RFX3: variants seen among roughly 807,000 people sequenced by gnomAD.
The protein encoded by RFX3 is regulatory factor X3.
A neutral mutation model predicts 98.6 loss-of-function variants in RFX3; 14 were observed. The ratio of observed to expected loss-of-function variants is 0.14; its 90% CI spans 0.09 to 0.22. RFX3 has a LOEUF of 0.22. RFX3 is among the 10% of genes least tolerant of loss of function. RFX3 has a pLI of 1.00. For missense variants in RFX3, 639 were observed against 926.9 expected (o/e 0.69, Z 4.03); for synonymous variants, 383 against 328.4 (o/e 1.17, Z -1.80).
At chr9:3,453,260 C>T (rs1316524053) in intron 1 of RFX3, among the ~76,000 whole-genome samples, 1 of 151,990 alleles carries the variant, frequency 6.6e-6, no homozygotes, top group African/African-American at 2.4e-5. Flanking sequence ...AAACACCCCC[C>T]AAGTGTAACT....
intron 1 of RFX3, among the ~76,000 whole-genome samples, chr9:3,466,052 T>G (rs1381292079): frequency 6.6e-6 from 1 of 152,210 alleles, no homozygotes; most frequent in African/African-American, 2.4e-5. Flanking sequence ...CAAACAGCAT[T>G]CATTAAGTAC....
At chr9:3,396,783 G>C (rs573032161) in intron 1 of RFX3, among the ~76,000 whole-genome samples, 38 of 152,274 alleles carry the variant, frequency 2.5e-4, no homozygotes, top group African/African-American at 9.1e-4. Context: ...GCATTTCTCT[G>C]ATCGCCAGTG....
At chr9:3,494,852 A>C (rs1850990107) in intron 1 of RFX3, among the ~76,000 whole-genome samples, 1 of 152,030 alleles carries the variant, frequency 6.6e-6, no homozygotes, top group Non-Finnish European at 1.5e-5. Context: ...AGCCTCACAC[A>C]GGGAATTGAA....
At chr9:3,342,354 G>C (rs545371511) in intron 3 of RFX3, among the ~76,000 whole-genome samples, 2 of 152,116 alleles carry the variant, frequency 1.3e-5, no homozygotes, top group Non-Finnish European at 2.9e-5. Context: ...GAACTCTTAA[G>C]GGACTAATGT....
chr9:3,227,394 C>T (rs1032344631), intron 16 of RFX3, among the ~76,000 whole-genome samples: 33 of 152,322 alleles, frequency 2.2e-4, no homozygotes, highest in African/African-American at 7.9e-4. Context: ...AAAGCAAGCC[C>T]ATTCTCCAGG....
At chr9:3,291,905 T>C (rs182640042) in intron 6 of RFX3, among the ~76,000 whole-genome samples, 1 of 151,322 alleles carries the variant, frequency 6.6e-6, no homozygotes, top group East Asian at 1.9e-4. Context: ...AAAAATACAA[T>C]AATTAGCTGG....
chr9:3,262,602 T>C (rs1823059282), intron 13 of RFX3, among the ~76,000 whole-genome samples: 1 of 152,210 alleles, frequency 6.6e-6, no homozygotes, highest in South Asian at 2.1e-4. Context: ...AGTAACGCAA[T>C]TGCCCAAGAT....
At chr9:3,515,072 CAG>C (rs1410212826) in intron 1 of RFX3, among the ~76,000 whole-genome samples, 1 of 152,130 alleles carries the variant, frequency 6.6e-6, no homozygotes, top group Non-Finnish European at 1.5e-5. Context: ...TAAATAGTAT[CAG>C]GGGAAAACCT....
At chr9:3,237,147 T>C (rs994827362) in intron 15 of RFX3, among the ~76,000 whole-genome samples, 1 of 152,270 alleles carries the variant, frequency 6.6e-6, no homozygotes, top group African/African-American at 2.4e-5. Flanking sequence ...GCTATGACTG[T>C]CTAGTTAGAA....
At chr9:3,336,620 T>G (rs1833211268) in intron 3 of RFX3, among the ~76,000 whole-genome samples, 1 of 152,060 alleles carries the variant, frequency 6.6e-6, no homozygotes, top group Non-Finnish European at 1.5e-5. Flanking sequence ...ATCCTGATAT[T>G]TAGAAGGAAA....
At chr9:3,440,443 C>G (rs1845517768) in intron 1 of RFX3, among the ~76,000 whole-genome samples, 1 of 152,036 alleles carries the variant, frequency 6.6e-6, no homozygotes, top group African/African-American at 2.4e-5. Flanking sequence ...CATCTACTTA[C>G]TAGTTATTAA....
intron 1 of RFX3, among the ~76,000 whole-genome samples, chr9:3,481,721 C>T (rs528657756): frequency 1.3e-5 from 2 of 151,792 alleles, no homozygotes; most frequent in South Asian, 2.1e-4. Flanking sequence ...AAAGAAACTG[C>T]CCAGCAGAAA....
intron 1 of RFX3, among the ~76,000 whole-genome samples, chr9:3,500,793 C>A (rs766505986): frequency 6.6e-6 from 1 of 152,110 alleles, no homozygotes; most frequent in Non-Finnish European, 1.5e-5. Context: ...TCACAAGGCA[C>A]GTGTTAGGCA....
At chr9:3,286,187 T>G (rs1287276110) in intron 7 of RFX3, among the ~76,000 whole-genome samples, 2 of 151,800 alleles carry the variant, frequency 1.3e-5, no homozygotes, top group Non-Finnish European at 2.9e-5. Flanking sequence ...TATGCATGAG[T>G]GCAGAAATCA....
intron 15 of RFX3, among the ~76,000 whole-genome samples, chr9:3,239,217 G>T (rs568259374): frequency 8.7e-4 from 133 of 152,308 alleles, no homozygotes; most frequent in African/African-American, 3.1e-3. Context: ...GCGAGGAAAA[G>T]GTTGCTGACT....
At position 3,223,130 on chromosome 9, in the gene RFX3, T is replaced by C. The variant is rs1373655118; in HGVS notation, c.*1912A>G. On this transcript the variant is annotated 3_prime_UTR_variant, in exon 17 of 17. Coordinates refer to ENST00000617270, the MANE Select transcript of RFX3 (RefSeq NM_001282116.2). ...ATCTTGGGTTTAATATAGGCCTCAT[T>C]TGATAATCTGTCAATCATTTTGTGC... 1 of 152,106 alleles carries C rather than the reference T, an allele frequency of 6.6e-6. No homozygotes were observed. Among genetic ancestry groups the C allele is most frequent in the Non-Finnish European group, 1.5e-5 (1 of 68,014 alleles). The allele number at this position is 152,106 out of a possible 1,614,324, so 9.4% of individuals were successfully genotyped here. A position where few individuals can be genotyped will look rare whatever the true frequency, so the allele number is the denominator to read the frequency against.
At chr9:3,262,863 G>T in intron 13 of RFX3, 72 bp downstream of exon 13, 1 of 1,464,504 alleles carries the variant, frequency 6.8e-7, no homozygotes. Flanking sequence ...AAAGAAATTT[G>T]ATGATCCCAA....
At chr9:3,382,172 C>T (rs1839265159) in intron 2 of RFX3, among the ~76,000 whole-genome samples, 1 of 152,174 alleles carries the variant, frequency 6.6e-6, no homozygotes, top group Non-Finnish European at 1.5e-5. Flanking sequence ...GTTGGGACTA[C>T]AGGCACATGC....
At chr9:3,382,767 G>T (rs1197304769) in intron 2 of RFX3, among the ~76,000 whole-genome samples, 1 of 151,990 alleles carries the variant, frequency 6.6e-6, no homozygotes, top group African/African-American at 2.4e-5. Flanking sequence ...TAATTTTCAG[G>T]ACAAGAGTTG....
Sources: gnomAD v4.1 joint callset for allele counts (sites outside exome capture counted in the v4.1 genomes callset) on GRCh38, gnomAD v4.1.1 for gene constraint, MANE v1.5 for transcripts, NCBI Gene and HGNC (gene_info 2026-07-23, HGNC 2026-07-21) for gene names.